FBXO25: variants seen among roughly 807,000 people sequenced by gnomAD.
FBXO25 encodes the protein F-box only protein 25.
In FBXO25, 45 loss-of-function variants were observed where a neutral mutation model predicts 51.9. The ratio of observed to expected loss-of-function variants is 0.87; its 90% CI spans 0.68 to 1.11. The LOEUF is 1.11. Among genes scored for constraint, FBXO25 ranks in the 50% most tolerant of loss-of-function variants. The pLI, the probability that FBXO25 is intolerant of heterozygous loss-of-function variation, is 0.00. For synonymous variants in FBXO25, 199 were observed against 151.0 expected (o/e 1.32, Z -2.33); for missense variants, 507 against 428.5 (o/e 1.18, Z -1.62).
At chr8:441,945 G>A (rs1033366405) in intron 5 of FBXO25, among the ~76,000 whole-genome samples, 6 of 152,152 alleles carry the variant, frequency 3.9e-5, no homozygotes, top group Non-Finnish European at 4.4e-5. Context: ...AAGACAGTGT[G>A]GTGATTCCTC....
rs1563059687 is a variant in FBXO25, at chr8:413,145, G to T, written c.66G>T (p.Trp22Cys). The T allele has an allele frequency of 6.2e-7, 1 of 1,611,362 alleles. No homozygotes were observed. Among genetic ancestry groups the T allele is most frequent in the East Asian group, 2.2e-5 (1 of 44,668 alleles). ...GTTGGATTAAGACAGAAGATGGCTGGAAGAGATGTGAATCTTGTAGTCAGA... is the reference window on the plus strand; with the variant it reads ...GTTGGATTAAGACAGAAGATGGCTGTAAGAGATGTGAATCTTGTAGTCAGA... ...GWSWIKTEDG[W>C]KRCESCSQKL... The change falls in exon 2 of 10, where the codon TGG (tryptophan) becomes TGT (cysteine). Residue 22 changes from tryptophan (W) to cysteine (C), a missense_variant. By Grantham distance (215) the Trp-to-Cys change is radical. Coordinates refer to ENST00000350302, the MANE Select transcript of FBXO25 (RefSeq NM_183420.2).
chr8:438,015 T>G (rs1456740400), intron 5 of FBXO25, among the ~76,000 whole-genome samples: 2 of 152,092 alleles, frequency 1.3e-5, no homozygotes, highest in African/African-American at 4.8e-5. Flanking sequence ...TGGCATTTAG[T>G]AATATCTGCC....
chr8:431,541 A>C, intron 3 of FBXO25, 97 bp downstream of exon 3: 2 of 631,358 alleles, frequency 3.2e-6, no homozygotes, highest in African/African-American at 1.9e-5. Flanking sequence ...AGGTGATACA[A>C]ATATGTAAAT....
chr8:468,282 G>C, intron 9 of FBXO25: 3 of 1,016,920 alleles, frequency 3.0e-6, no homozygotes, highest in South Asian at 4.3e-5. Flanking sequence ...AGCTGATTCA[G>C]GGATGAATGG....
intron 8 of FBXO25, among the ~76,000 whole-genome samples, chr8:460,995 A>C (rs1157356668): frequency 6.6e-6 from 1 of 152,236 alleles, no homozygotes; most frequent in Non-Finnish European, 1.5e-5. Flanking sequence ...AGCAACAGCC[A>C]TAAAGACTAG....
At chr8:423,435 C>T (rs995192816) in intron 2 of FBXO25, among the ~76,000 whole-genome samples, 2 of 151,694 alleles carry the variant, frequency 1.3e-5, no homozygotes, top group Non-Finnish European at 2.9e-5. Context: ...TTTTTTTTAA[C>T]CCACCCCCAC....
At chr8:450,368 C>A (rs1799003507) in intron 6 of FBXO25, among the ~76,000 whole-genome samples, 1 of 152,168 alleles carries the variant, frequency 6.6e-6, no homozygotes, top group African/African-American at 2.4e-5. Context: ...TAGCTAATCA[C>A]AGTTCATTTT....
At chr8:440,755 A>G (rs11776288) in intron 5 of FBXO25, among the ~76,000 whole-genome samples, 25,617 of 144,600 alleles carry the variant, frequency 0.18, 2,469 homozygotes, top group East Asian at 0.38. Flanking sequence ...ACCCCCCGAC[A>G]GGCCCTGGTG....
chr8:464,767 G>A (rs1465972387), intron 9 of FBXO25, among the ~76,000 whole-genome samples: 2 of 152,012 alleles, frequency 1.3e-5, no homozygotes, highest in East Asian at 3.8e-4. Flanking sequence ...AGTTTTATTT[G>A]GTATATCAAA....
chr8:450,432 A>T (rs148673682), intron 6 of FBXO25, among the ~76,000 whole-genome samples: 48 of 152,360 alleles, frequency 3.2e-4, no homozygotes, highest in African/African-American at 1.1e-3. Flanking sequence ...TAGGCATCAG[A>T]TAAGCCAATA....
At chr8:438,310 C>T (rs1271763533) in intron 5 of FBXO25, among the ~76,000 whole-genome samples, 2 of 152,158 alleles carry the variant, frequency 1.3e-5, no homozygotes, top group Non-Finnish European at 2.9e-5. Flanking sequence ...CCACCTGCCT[C>T]GGCCTCCCAA....
At chr8:467,237 G>A (rs1463744741) in intron 9 of FBXO25, among the ~76,000 whole-genome samples, 1 of 152,222 alleles carries the variant, frequency 6.6e-6, no homozygotes, top group African/African-American at 2.4e-5. Flanking sequence ...ACAAGTGTCA[G>A]AGGTGGAGGC....
intron 2 of FBXO25, among the ~76,000 whole-genome samples, chr8:428,388 G>A (rs759841601): frequency 1.2e-4 from 19 of 152,148 alleles, no homozygotes; most frequent in South Asian, 2.1e-4. Context: ...TGTATTTTCC[G>A]CTTGTGTTGT....
chr8:451,265 C>T lies in FBXO25; in HGVS notation c.476-4C>T, dbSNP rs1253929463. 3 of 1,585,358 alleles carry T rather than the reference C, an allele frequency of 1.9e-6. No homozygotes were observed. The highest frequency in any genetic ancestry group is 4.5e-5 in the East Asian group (2 of 44,494). ...ATCCATAGTTTTATTTTTATTTATTCCAGTTCTTGATGACCACCACAATCC... is the reference window on the plus strand; with the variant it reads ...ATCCATAGTTTTATTTTTATTTATTTCAGTTCTTGATGACCACCACAATCC... On this transcript the variant is annotated splice_polypyrimidine_tract_variant and splice_region_variant and intron_variant, in intron 6 of 9. Transcript: ENST00000350302.
chr8:412,874 C>T (rs879344444), intron 1 of FBXO25, among the ~76,000 whole-genome samples, 199 bp from the exon 2 acceptor site: 1 of 152,160 alleles, frequency 6.6e-6, no homozygotes, highest in Non-Finnish European at 1.5e-5. Context: ...AGTAAAACCA[C>T]GTTTACTTAC....
rs567469315 is a variant in FBXO25, at chr8:464,152, G to C, written c.987+1002G>C. On this transcript the variant is annotated intron_variant, in intron 9 of 9. Transcript: ENST00000350302. ...TTTTTGGTAGAGACAGGGTTTCACCGTGTTACCCATGGCTGGTCTCAAAAC... is the reference window on the plus strand; with the variant it reads ...TTTTTGGTAGAGACAGGGTTTCACCCTGTTACCCATGGCTGGTCTCAAAAC... Among the ~76,000 whole-genome samples the C allele has an allele frequency of 2.0e-5, 3 of 152,080 alleles. No individual in the cohort carries two copies. The East Asian group carries it at 5.8e-4, about 29-fold the overall frequency.
At chr8:421,656 A>C (rs1376856292) in intron 2 of FBXO25, among the ~76,000 whole-genome samples, 3 of 152,184 alleles carry the variant, frequency 2.0e-5, no homozygotes, top group Non-Finnish European at 4.4e-5. Context: ...TTAGTATAAC[A>C]CATCTGTTTT....
intron 7 of FBXO25, among the ~76,000 whole-genome samples, chr8:456,153 TGA>T (rs1191406902): frequency 2.0e-5 from 3 of 152,354 alleles, no homozygotes; most frequent in East Asian, 3.9e-4. Flanking sequence ...ATAATTCTTG[TGA>T]GAGTGTTAGA....
At chr8:424,279 A>G (rs948002292) in intron 2 of FBXO25, among the ~76,000 whole-genome samples, 1 of 152,014 alleles carries the variant, frequency 6.6e-6, no homozygotes, top group Non-Finnish European at 1.5e-5. Context: ...TGTCAGACGC[A>G]TAGTTTGCAA....
Sources: allele counts gnomAD v4.1 joint callset (sites outside exome capture counted in the v4.1 genomes callset), GRCh38; gene constraint gnomAD v4.1.1; transcripts MANE v1.5; gene names NCBI Gene and HGNC (gene_info 2026-07-23, HGNC 2026-07-21).